B3GAT3: variants seen among roughly 807,000 people sequenced by gnomAD.
B3GAT3 encodes beta-1,3-glucuronyltransferase 3.
B3GAT3 carries 19 observed loss-of-function variants against 33.1 expected under a neutral mutation model. The observed-to-expected ratio is 0.57, with a 90% CI of 0.40 to 0.84. B3GAT3 has a LOEUF of 0.84. B3GAT3 is among the 40% of genes least tolerant of loss of function. The pLI, the probability that B3GAT3 is intolerant of heterozygous loss-of-function variation, is 0.00. For synonymous variants in B3GAT3, 167 were observed against 193.5 expected (o/e 0.86, Z 1.14); for missense variants, 344 against 441.5 (o/e 0.78, Z 1.98).
Position 62,617,102 on chromosome 11 carries a change from A to C in B3GAT3, c.503T>G (p.Leu168Arg). The C allele has an allele frequency of 6.2e-7, 1 of 1,613,888 alleles. No individual in the cohort carries two copies. Among genetic ancestry groups the C allele is most frequent in the Non-Finnish European group, 8.5e-7 (1 of 1,179,980 alleles). ...VEQRNKALDW[L>R]RGRGGAVGGE... is the part of the protein sequence containing the mutation. ...ACCCACAGCACCCCCTCTGCCCCGG[A>C]GCCAGTCCAGGGCCTTGTTCCGCTG... The change falls in exon 3 of 5, where the codon CTC becomes CGC. Residue 168 changes from leucine (L) to arginine (R), a missense_variant. Physicochemically the swap from Leu to Arg is moderately radical, Grantham distance 102 (BLOSUM62 -2). Transcript: ENST00000265471.
rs868295239 is a variant in B3GAT3 at position 62,617,085 on chromosome 11, C to A, written c.520G>T (p.Ala174Ser). Residue 174 changes from alanine to serine, a missense_variant, in exon 3 of 5, where the codon GCT becomes TCT. Transcript: ENST00000265471. ...ALDWLRGRGG[A>S]VGGEKDPPPP... ...GGTGGGTCCTTCTCCCCACCCACAG[C>A]ACCCCCTCTGCCCCGGAGCCAGTCC... is the stretch of plus-strand genomic sequence containing the variant. The A allele has an allele frequency of 6.2e-7, 1 of 1,614,030 alleles. No homozygotes were observed. The highest frequency in any genetic ancestry group is 1.3e-5 in the African/African-American group (1 of 74,924).
Position 62,615,520 on chromosome 11 carries a change from G to T in B3GAT3, c.*181C>A. ...TGCTTGTCCCCAGCCTGTGGGCAGT[G>T]CCACACGGCAGGCTAGGGGAGGGGT... is the stretch of plus-strand genomic sequence containing the variant. On this transcript the variant is annotated 3_prime_UTR_variant, in exon 5 of 5. Transcript: ENST00000265471. 8.5e-7 allele frequency: 1 copy of T among 1,172,946 alleles called. No homozygotes were observed. The highest frequency in any genetic ancestry group is 1.2e-6 in the Non-Finnish European group (1 of 836,320). 72.7% of individuals were successfully genotyped at this position (1,172,946 alleles called of 1,614,324 possible).
chr11:62,618,782 G>A (rs549414215), intron 2 of B3GAT3, among the ~76,000 whole-genome samples: 9 of 151,782 alleles, frequency 5.9e-5, no homozygotes, highest in Non-Finnish European at 1.3e-4. Flanking sequence ...AGGAGTTCCA[G>A]ACCAGCCTGG....
chr11:62,621,714 G>A lies in B3GAT3; in HGVS notation c.82+152C>T, dbSNP rs1943147843. 8.5e-6 allele frequency: 7 copies of A among 828,092 alleles called. No homozygotes were observed. In the African/African-American group the frequency reaches 8.7e-5, roughly 10 times the overall value. 51.3% of individuals were successfully genotyped at this position (828,092 alleles called of 1,614,324 possible). On this transcript the variant is annotated intron_variant, in intron 1 of 4. Coordinates refer to ENST00000265471, the MANE Select transcript of B3GAT3 (RefSeq NM_012200.4). ...GAGGTGCGGCGGGTAGCCGCGGTGC[G>A]TTCTATAGAGGGCAGTGCGCCTGAG...
In B3GAT3 at chr11:62,619,023, C is replaced by T. The variant is rs1303726906; in HGVS notation, c.257+1474G>A. 9.1e-5 allele frequency among the ~76,000 whole-genome samples: 13 copies of T among 142,804 alleles called. No homozygotes were observed. The East Asian group carries it at 2.3e-3, about 25-fold the overall frequency. 93.7% of individuals were successfully genotyped at this position (142,804 alleles called of 152,430 possible). On this transcript the variant is annotated intron_variant, in intron 2 of 4. Transcript: ENST00000265471. ...AAAATTAGCCTGGTGTGGTGGTGCA[C>T]GCCTGTAATCCCAGCTACTCGGGAG... is the stretch of plus-strand genomic sequence containing the variant.
intron 2 of B3GAT3, among the ~76,000 whole-genome samples, chr11:62,618,180 A>AG (rs1181120293): frequency 6.8e-6 from 1 of 146,782 alleles, no homozygotes; most frequent in Admixed American, 7.3e-5. Flanking sequence ...TCTGTCTCAA[A>AG]AAAAAAAAAA....
Position 62,616,784 on chromosome 11 carries a change from G to C in B3GAT3, c.631C>G (p.Arg211Gly), listed in dbSNP as rs745645272. The change falls in exon 4 of 5, where the codon CGT becomes GGT. Residue 211 changes from arginine to glycine, a missense_variant. Coordinates refer to ENST00000265471, the MANE Select transcript of B3GAT3 (RefSeq NM_012200.4). ...RELFEEMRWT[R>G]GVSVWPVGLV... ...CCCACAGGCCACACTGAGACACCAC[G>C]GGTCCAGCGCATCTAACGGAGGTCG... 6.2e-7 allele frequency: 1 copy of C among 1,614,028 alleles called. No individual in the cohort carries two copies.
rs752354059 is a variant in B3GAT3 at position 62,620,678 on chromosome 11, C to T, written c.83-7G>A. ...AGGCAGTCACATGGCTGGCCTGGTC[C>T]CAGGAAGCATTAATGGGGAAAGAAG... On this transcript the variant is annotated splice_region_variant and splice_polypyrimidine_tract_variant and intron_variant, in intron 1 of 4. Transcript: ENST00000265471. 1.9e-6 allele frequency: 3 copies of T among 1,608,592 alleles called. No homozygotes were observed. Among genetic ancestry groups the T allele is most frequent in the South Asian group, 1.1e-5 (1 of 90,578 alleles).
At position 62,616,648 on chromosome 11, in the gene B3GAT3, A is replaced by C. The variant is rs775702521; in HGVS notation, c.767T>G (p.Phe256Cys). ...SRPFPVDMAG[F>C]AVALPLLLDK... is the part of the protein sequence containing the mutation. The stretch of plus-strand genomic sequence containing the variant: ...TAACAGCAAGGGCAGGGCCACGGCA[A>C]ATCCAGCCATATCCACAGGGAAGGG... Residue 256 changes from phenylalanine to cysteine, a missense_variant, in exon 4 of 5, where the codon TTT (phenylalanine) becomes TGT (cysteine). Transcript: ENST00000265471. 1.9e-6 allele frequency: 3 copies of C among 1,614,098 alleles called. No individual in the cohort carries two copies. Among genetic ancestry groups the C allele is most frequent in the Non-Finnish European group, 2.5e-6 (3 of 1,180,032 alleles).
rs150492409 is a variant in B3GAT3 at position 62,618,177 on chromosome 11, CAAAAAAAAAAAAA to C, written c.258-843_258-831del. ...GAGCGACAAGAGCGAAACTCTGTCT[CAAAAAAAAAAAAA>C]AAAAAAAAAAAAAACAAATTAAGGG... On this transcript the variant is annotated intron_variant, in intron 2 of 4. Transcript: ENST00000265471. 3.5e-4 allele frequency among the ~76,000 whole-genome samples: 16 copies of C among 46,278 alleles called. No homozygotes were observed. The South Asian group carries it at 0.017, about 48-fold the overall frequency. The allele number at this position is 46,278 out of a possible 152,430, so 30.4% of individuals were successfully genotyped here.
chr11:62,615,460 C>T lies in B3GAT3; in HGVS notation c.*241G>A. On this transcript the variant is annotated 3_prime_UTR_variant, in exon 5 of 5. Transcript: ENST00000265471. ...TGGGTCCATCTGTCCTTCTGTTCCA[C>T]CCTAGACAGGGCCAACCTGACTCAA... 4.4e-6 allele frequency: 3 copies of T among 680,524 alleles called. No individual in the cohort carries two copies. The South Asian group carries it at 5.6e-5, about 13-fold the overall frequency. 42.2% of individuals were successfully genotyped at this position (680,524 alleles called of 1,614,324 possible). A position where few individuals can be genotyped will look rare whatever the true frequency, so the allele number is the denominator to read the frequency against.
intron 4 of B3GAT3, 150 bp from the exon 5 acceptor site, chr11:62,615,949 T>C (rs1943013887): frequency 2.0e-6 from 3 of 1,512,182 alleles, no homozygotes; most frequent in African/African-American, 2.8e-5. Context: ...TTAGTGCCTC[T>C]AAAACCGGGC....
At chr11:62,616,262 C>T (rs1222193977) in intron 4 of B3GAT3, 2 of 594,902 alleles carry the variant, frequency 3.4e-6, no homozygotes, top group South Asian at 2.0e-5. Context: ...AAAAAAACAA[C>T]AAACAGGGCC....
chr11:62,617,601 G>A, intron 2 of B3GAT3: 1 of 577,688 alleles, frequency 1.7e-6, no homozygotes, highest in East Asian at 3.0e-5. Flanking sequence ...CACAGGGCCG[G>A]GCATGGTGGC....
intron 1 of B3GAT3, chr11:62,621,198 G>T: frequency 2.2e-6 from 1 of 456,170 alleles, no homozygotes; most frequent in Non-Finnish European, 4.4e-6. Context: ...ACTCTTCCTA[G>T]GAGGCACTGC....
intron 2 of B3GAT3, among the ~76,000 whole-genome samples, chr11:62,618,177 C>CAAAAAAAAAA (rs150492409): frequency 4.3e-5 from 2 of 46,274 alleles, no homozygotes; most frequent in African/African-American, 2.1e-4. Context: ...AACTCTGTCT[C>CAAAAAAAAAA]AAAAAAAAAA....
intron 4 of B3GAT3, 22 bp downstream of exon 4, chr11:62,616,484 A>G (rs748827885): frequency 6.2e-7 from 1 of 1,613,906 alleles, no homozygotes; most frequent in Admixed American, 1.7e-5. Flanking sequence ...CCAGGTTTCT[A>G]TGCCCATCTC....
At chr11:62,618,579 G>A (rs911801507) in intron 2 of B3GAT3, among the ~76,000 whole-genome samples, 12 of 144,000 alleles carry the variant, frequency 8.3e-5, no homozygotes, top group South Asian at 6.8e-4. Flanking sequence ...GGAGAATGGC[G>A]TGAACCCGGG....
intron 2 of B3GAT3, among the ~76,000 whole-genome samples, chr11:62,618,194 A>C (rs1423676032): frequency 3.6e-4 from 54 of 151,178 alleles, no homozygotes; most frequent in Non-Finnish European, 5.3e-4. Context: ...AAAAAAAAAA[A>C]AAAAAAAAAA....
Sources: gnomAD v4.1 joint callset for allele counts (sites outside exome capture counted in the v4.1 genomes callset) on GRCh38, gnomAD v4.1.1 for gene constraint, MANE v1.5 for transcripts, NCBI Gene and HGNC (gene_info 2026-07-23, HGNC 2026-07-21) for gene names.